XRCC5: variants seen among roughly 807,000 people sequenced by gnomAD.
The protein encoded by XRCC5 is X-ray repair cross complementing 5.
Under a neutral mutation model 95.7 loss-of-function variants are expected in XRCC5, and 12 were observed. The ratio of observed to expected loss-of-function variants is 0.13; its 90% CI spans 0.08 to 0.20. The LOEUF (loss-of-function observed/expected upper bound fraction) is 0.20. Among genes scored for constraint, XRCC5 ranks in the 10% least tolerant of loss-of-function variants. The pLI, the probability that XRCC5 is intolerant of heterozygous loss-of-function variation, is 1.00. For missense variants in XRCC5, 595 were observed against 873.9 expected (o/e 0.68, Z 4.02); for synonymous variants, 281 against 290.3 (o/e 0.97, Z 0.33).
At chr2:216,135,798 CAA>C (rs34520726) in intron 10 of XRCC5, among the ~76,000 whole-genome samples, 3 of 139,000 alleles carry the variant, frequency 2.2e-5, no homozygotes, top group African/African-American at 2.7e-5. Flanking sequence ...GACTCTGTCT[CAA>C]AAAAAAAAAA....
chr2:216,141,003 C>T (rs998179161), intron 12 of XRCC5, among the ~76,000 whole-genome samples, 183 bp from the exon 13 acceptor site: 1 of 152,288 alleles, frequency 6.6e-6, no homozygotes, highest in African/African-American at 2.4e-5. Flanking sequence ...CACTCTAAAT[C>T]GATCTTTTCA....
intron 19 of XRCC5, among the ~76,000 whole-genome samples, chr2:216,197,448 GAAAAA>G (rs369842827): frequency 6.3e-5 from 7 of 110,328 alleles, no homozygotes; most frequent in South Asian, 3.3e-4. Context: ...TCTGTCCCAG[GAAAAA>G]AAAAAAAAAA....
intron 14 of XRCC5, among the ~76,000 whole-genome samples, chr2:216,158,359 A>G (rs1457220661): frequency 6.6e-6 from 1 of 152,216 alleles, no homozygotes; most frequent in Non-Finnish European, 1.5e-5. Flanking sequence ...AACGCCATCA[A>G]GAAGGTGTAA....
intron 14 of XRCC5, among the ~76,000 whole-genome samples, chr2:216,153,936 C>T (rs1261999814): frequency 6.6e-6 from 1 of 152,214 alleles, no homozygotes; most frequent in Non-Finnish European, 1.5e-5. Flanking sequence ...CTGCTTTCTT[C>T]TTCCTGCTCC....
At chr2:216,141,480 A>C (rs1470096275) in intron 13 of XRCC5, among the ~76,000 whole-genome samples, 161 bp downstream of exon 13, 12 of 152,000 alleles carry the variant, frequency 7.9e-5, no homozygotes. Flanking sequence ...CTACTTCAGA[A>C]GGTAAAAATA....
At chr2:216,111,876 G>T (rs943913353) in intron 1 of XRCC5, among the ~76,000 whole-genome samples, 1 of 152,162 alleles carries the variant, frequency 6.6e-6, no homozygotes, top group South Asian at 2.1e-4. Flanking sequence ...GAACTAATGG[G>T]TAGGAGAGAT....
At chr2:216,146,425 A>C (rs1688635000) in intron 13 of XRCC5, among the ~76,000 whole-genome samples, 1 of 152,216 alleles carries the variant, frequency 6.6e-6, no homozygotes. Context: ...GGATAGTATA[A>C]ATCACATGCT....
At position 216,127,606 on chromosome 2, in the gene XRCC5, A is replaced by G. The variant is rs1696918802; in HGVS notation, c.869A>G (p.Gln290Arg). Residue 290 changes from glutamine (Q) to arginine (R), a missense_variant, in exon 8 of 21, where the codon CAA (glutamine) becomes CGA (arginine). Around this residue, in one of 2 missense-constraint regions of XRCC5, gnomAD observed 286 missense variants for 491.1 expected, o/e 0.58. Transcript: ENST00000392132. The stretch of plus-strand genomic sequence containing the variant: ...AAAACCCTAAAAAAAGAAGATATAC[A>G]AAAAGAAACAGTTTATTGCTTAAAT... ...DAKTLKKEDI[Q>R]KETVYCLNDD... The G allele has an allele frequency of 6.2e-7, 1 of 1,612,622 alleles. No individual in the cohort carries two copies. Among genetic ancestry groups the G allele is most frequent in the Admixed American group, 1.7e-5 (1 of 59,716 alleles).
At chr2:216,149,397 T>C (rs1688701284) in intron 14 of XRCC5, among the ~76,000 whole-genome samples, 1 of 152,242 alleles carries the variant, frequency 6.6e-6, no homozygotes, top group Non-Finnish European at 1.5e-5. Flanking sequence ...ATAGATTTTA[T>C]GATGTGCATT....
In XRCC5 at chr2:216,141,777, G is replaced by A. The variant is rs116727058; in HGVS notation, c.1476+458G>A. ...TTTTGTGAAGACAAGTCTTGGCCACGTGCGGTGGTTCATGCCTGTAATCCC... is the reference window on the plus strand; with the variant it reads ...TTTTGTGAAGACAAGTCTTGGCCACATGCGGTGGTTCATGCCTGTAATCCC... On this transcript the variant is annotated intron_variant, in intron 13 of 20. Coordinates refer to ENST00000392132, the MANE Select transcript of XRCC5 (RefSeq NM_021141.4). Among the ~76,000 whole-genome samples the A allele has an allele frequency of 5.5e-3, 836 of 152,154 alleles. 7 individuals carry two copies. The highest frequency in any genetic ancestry group is 0.019 in the African/African-American group (781 of 41,520).
At position 216,116,832 on chromosome 2, in the gene XRCC5, A is replaced by G. The variant is rs768296550; in HGVS notation, c.309A>G (p.Gln103=). The G allele has an allele frequency of 3.7e-6, 6 of 1,614,074 alleles. No homozygotes were observed. Among genetic ancestry groups the G allele is most frequent in the South Asian group, 2.2e-5 (2 of 91,072 alleles). The part of the protein sequence containing the change: ...DIESKIQPGS[Q]QADFLDALIV... ...AAAGCAAAATCCAACCAGGTTCTCAACAGGCTGACTGTATCCTTTTTCTGC... is the reference window on the plus strand; with the variant it reads ...AAAGCAAAATCCAACCAGGTTCTCAGCAGGCTGACTGTATCCTTTTTCTGC... Residue 103 remains glutamine, a synonymous_variant, in exon 3 of 21, where the codon CAA becomes CAG. Coordinates refer to ENST00000392132, the MANE Select transcript of XRCC5 (RefSeq NM_021141.4).
At chr2:216,161,781 A>G (rs1328529020) in intron 15 of XRCC5, among the ~76,000 whole-genome samples, 198 bp from the exon 16 acceptor site, 2 of 152,232 alleles carry the variant, frequency 1.3e-5, no homozygotes, top group Non-Finnish European at 2.9e-5. Flanking sequence ...GAAAGCACAG[A>G]GGGCAGCTCT....
chr2:216,120,542 C>T (rs1391962481), intron 5 of XRCC5, among the ~76,000 whole-genome samples: 1 of 152,132 alleles, frequency 6.6e-6, no homozygotes, highest in Non-Finnish European at 1.5e-5. Context: ...AAAATACCAG[C>T]AGCTCAGAGA....
chr2:216,126,790 A>C (rs987180987), intron 7 of XRCC5, among the ~76,000 whole-genome samples: 5 of 152,158 alleles, frequency 3.3e-5, no homozygotes, highest in Admixed American at 2.0e-4. Flanking sequence ...TATTTATTTC[A>C]GCTTCCATCA....
chr2:216,157,825 A>T (rs1007626563), intron 14 of XRCC5, among the ~76,000 whole-genome samples: 1 of 152,244 alleles, frequency 6.6e-6, no homozygotes, highest in Non-Finnish European at 1.5e-5. Context: ...GCTGACATTT[A>T]TATGTCTACT....
Position 216,118,957 on chromosome 2 carries a change from T to G in XRCC5, c.369-86T>G, listed in dbSNP as rs560904622. On this transcript the variant is annotated intron_variant, in intron 4 of 20. Transcript: ENST00000392132. Reference sequence around the variant, plus strand: ...TTAACTCTAGATCCATTTCTAAGCTTCTCTCCTCAGTGACCAAGTGTATTT... The same window carrying G: ...TTAACTCTAGATCCATTTCTAAGCTGCTCTCCTCAGTGACCAAGTGTATTT... 5.6e-6 allele frequency: 8 copies of G among 1,419,430 alleles called. 1 individual carries two copies. In the South Asian group the frequency reaches 8.6e-5, roughly 15 times the overall value. 87.9% of individuals were successfully genotyped at this position (1,419,430 alleles called of 1,614,324 possible).
At chr2:216,142,030 G>C (rs533283533) in intron 13 of XRCC5, among the ~76,000 whole-genome samples, 2 of 152,044 alleles carry the variant, frequency 1.3e-5, no homozygotes, top group Admixed American at 1.3e-4. Context: ...CTCCAGCCTG[G>C]GCGGCAGAAT....
At chr2:216,156,228 G>A (rs372136036) in intron 14 of XRCC5, 1 of 464,896 alleles carries the variant, frequency 2.2e-6, no homozygotes, top group Non-Finnish European at 4.1e-6. Context: ...ATTCGTTGAG[G>A]CCATAGGTTA....
intron 4 of XRCC5, among the ~76,000 whole-genome samples, chr2:216,118,590 A>AT (rs1397427220): frequency 1.3e-5 from 2 of 152,190 alleles, no homozygotes; most frequent in Admixed American, 1.3e-4. Context: ...TTGCACTAAA[A>AT]TCCCAGACCT....
Sources: gnomAD v4.1 joint callset for allele counts (sites outside exome capture counted in the v4.1 genomes callset) on GRCh38, gnomAD v4.1.1 for gene constraint, gnomAD v4.1.1 regional missense constraint, MANE v1.5 for transcripts, NCBI Gene and HGNC (gene_info 2026-07-23, HGNC 2026-07-21) for gene names.